Variants in PKIB observed in about 807,000 individuals in gnomAD.
The protein encoded by PKIB is PKI-beta.
In PKIB, 2 loss-of-function variants were observed where a neutral mutation model predicts 4.5. The observed-to-expected ratio is 0.44, with a 90% CI of 0.18 to 1.39. The LOEUF (loss-of-function observed/expected upper bound fraction) is 1.39. Among genes scored for constraint, PKIB ranks in the 40% most tolerant of loss-of-function variants. PKIB has a pLI of 0.27. For synonymous variants in PKIB, 38 were observed against 36.0 expected, an observed-to-expected ratio of 1.06 and a Z score of -0.20; for missense variants, 94 against 92.6, an observed-to-expected ratio of 1.02 and a Z score of -0.06.
intron 3 of PKIB, among the ~76,000 whole-genome samples, chr6:122,681,998 G>A (rs1003211533): frequency 5.9e-5 from 9 of 152,142 alleles, no homozygotes; most frequent in African/African-American, 1.7e-4. Flanking sequence ...GGAGTCTAGC[G>A]TGAGAAATTT....
chr6:122,616,795 G>A (rs555391435), intron 1 of PKIB, among the ~76,000 whole-genome samples: 13 of 152,102 alleles, frequency 8.5e-5, no homozygotes, highest in African/African-American at 3.1e-4. Flanking sequence ...AGACCCCTAG[G>A]GTTGGAGTCT....
chr6:122,523,506 C>T (rs745501995), intron 2 of PKIB, among the ~76,000 whole-genome samples: 6 of 152,108 alleles, frequency 3.9e-5, no homozygotes, highest in East Asian at 1.9e-4. Flanking sequence ...TAATAAGTCT[C>T]ATGAGATCTG....
chr6:122,558,262 TG>T (rs1326093551), intron 2 of PKIB, among the ~76,000 whole-genome samples: 2 of 152,180 alleles, frequency 1.3e-5, no homozygotes, highest in African/African-American at 4.8e-5. Flanking sequence ...GCTCTGTAAG[TG>T]GTAACAAAGA....
At chr6:122,659,283 C>T (rs1424215329) in intron 2 of PKIB, among the ~76,000 whole-genome samples, 3 of 152,092 alleles carry the variant, frequency 2.0e-5, no homozygotes, top group Admixed American at 6.6e-5. Flanking sequence ...TAGAGTTCTA[C>T]GTACATGTGG....
intron 3 of PKIB, among the ~76,000 whole-genome samples, chr6:122,597,645 C>A (rs1774219633): frequency 6.6e-6 from 1 of 152,196 alleles, no homozygotes; most frequent in Non-Finnish European, 1.5e-5. Flanking sequence ...CTAATCTCTG[C>A]AATCTCTCCA....
chr6:122,494,704 G>A (rs553386781), intron 2 of PKIB, among the ~76,000 whole-genome samples: 10 of 152,314 alleles, frequency 6.6e-5, no homozygotes, highest in South Asian at 2.1e-4. Flanking sequence ...CAAAGGGATC[G>A]TTTCTGGATT....
At chr6:122,561,474 A>G (rs534570197) in intron 2 of PKIB, among the ~76,000 whole-genome samples, 2 of 151,994 alleles carry the variant, frequency 1.3e-5, no homozygotes, top group Admixed American at 6.5e-5. Context: ...CTATCATATG[A>G]TCTATCTTGG....
At chr6:122,615,157 A>C (rs758308979) in intron 1 of PKIB, among the ~76,000 whole-genome samples, 15 of 152,128 alleles carry the variant, frequency 9.9e-5, no homozygotes, top group Non-Finnish European at 1.9e-4. Context: ...AATTCTGTGT[A>C]TTGTAGTGAA....
intron 2 of PKIB, chr6:122,483,469 A>G (rs546011378): frequency 1.3e-5 from 2 of 152,310 alleles, no homozygotes; most frequent in Admixed American, 6.5e-5. Context: ...ATACACTCCT[A>G]GGTTTTCTGG....
At chr6:122,613,369 T>C (rs1206589862) in intron 1 of PKIB, among the ~76,000 whole-genome samples, 1 of 152,194 alleles carries the variant, frequency 6.6e-6, no homozygotes, top group East Asian at 1.9e-4. Context: ...TTCCATATAA[T>C]TATTTTAAAT....
chr6:122,614,184 T>C (rs960158142), intron 1 of PKIB, among the ~76,000 whole-genome samples: 2 of 151,954 alleles, frequency 1.3e-5, no homozygotes, highest in Non-Finnish European at 2.9e-5. Flanking sequence ...TCAGAGATGT[T>C]TAGATAAAAA....
Position 122,660,477 on chromosome 6 carries a change from G to A in PKIB, c.-75-14601G>A, listed in dbSNP as rs560229554. Among the ~76,000 whole-genome samples the A allele has an allele frequency of 3.3e-5, 5 of 152,260 alleles. No individual in the cohort carries two copies. In the South Asian group the frequency reaches 1.0e-3, roughly 32 times the overall value. ...CCTTGGGATATGTTGTTCTCTTACA[G>A]ACTAAACCACAGATACGGTCACGTT... On this transcript the variant is annotated intron_variant, in intron 2 of 4. Transcript: ENST00000368452.
rs1337811959 is a variant in PKIB at position 122,482,543 on chromosome 6, GATT to G, written c.-248+4605_-248+4607del. On this transcript the variant is annotated intron_variant, in intron 2 of 6. Transcript: ENST00000392491. ...ATGAGGAAGAGATAACTTTAGGTTG[GATT>G]TTTTTTTTTTTTTTTTTTTTTGCAG... 2.1e-4 allele frequency: 23 copies of G among 112,106 alleles called. No homozygotes were observed. In the East Asian group the frequency reaches 6.1e-3, roughly 30 times the overall value. The allele number at this position is 112,106 out of a possible 1,614,324, so 6.9% of individuals were successfully genotyped here. A position where few individuals can be genotyped will look rare whatever the true frequency, so the allele number is the denominator to read the frequency against.
chr6:122,501,201 C>T (rs987168645), intron 2 of PKIB, among the ~76,000 whole-genome samples: 1 of 152,194 alleles, frequency 6.6e-6, no homozygotes, highest in Non-Finnish European at 1.5e-5. Flanking sequence ...AAGTCCAACT[C>T]CAAAGTCTCA....
chr6:122,709,097 A>T (rs1187980535), intron 3 of PKIB, among the ~76,000 whole-genome samples: 1 of 152,206 alleles, frequency 6.6e-6, no homozygotes, highest in African/African-American at 2.4e-5. Context: ...GTAGTTGTTA[A>T]CCAAGCACAT....
chr6:122,698,487 C>T (rs769665600), intron 3 of PKIB, among the ~76,000 whole-genome samples: 1 of 152,126 alleles, frequency 6.6e-6, no homozygotes, highest in Admixed American at 6.6e-5. Context: ...CCCTCTATTT[C>T]CAGAAAAGCC....
intron 4 of PKIB, 36 bp from the exon 5 acceptor site, chr6:122,725,092 A>G: frequency 1.0e-5 from 15 of 1,438,284 alleles, no homozygotes; most frequent in African/African-American, 1.4e-5. Flanking sequence ...ATAAATTTCA[A>G]TATATTCCAC....
intron 2 of PKIB, among the ~76,000 whole-genome samples, chr6:122,532,324 A>G (rs1777283360): frequency 6.6e-6 from 1 of 152,176 alleles, no homozygotes; most frequent in Non-Finnish European, 1.5e-5. Context: ...TACTTTATTA[A>G]ATGGTTACAT....
chr6:122,699,286 T>TAA (rs71021415), intron 3 of PKIB, among the ~76,000 whole-genome samples: 1 of 3,136 alleles, frequency 3.2e-4, no homozygotes. Flanking sequence ...TGAACTAAAA[T>TAA]ATATATATAT....
Sources: allele counts gnomAD v4.1 joint callset (sites outside exome capture counted in the v4.1 genomes callset), GRCh38; gene constraint gnomAD v4.1.1; transcripts MANE v1.5; gene names NCBI Gene and HGNC (gene_info 2026-07-23, HGNC 2026-07-21).